The following PCDHA3 variants were observed in gnomAD, a reference collection of about 807,000 sequenced individuals.
The protein encoded by PCDHA3 is protocadherin alpha 3.
A neutral mutation model predicts 62.2 loss-of-function variants in PCDHA3; 41 were observed. That is an observed-to-expected ratio of 0.66 (90% CI 0.51 to 0.86). The LOEUF (loss-of-function observed/expected upper bound fraction) is 0.86. Ranked by LOEUF, PCDHA3 falls within the 40% of genes least tolerant of loss-of-function variation. The pLI is 0.00. For missense variants in PCDHA3, 1,304 were observed against 1,241.2 expected (o/e 1.05, Z -0.76); for synonymous variants, 640 against 555.4 (o/e 1.15, Z -2.14).
chr5:140,909,268 A>C (rs946921668), intron 1 of PCDHA3, among the ~76,000 whole-genome samples: 1 of 152,240 alleles, frequency 6.6e-6, no homozygotes. Context: ...ACTGAAGGCA[A>C]ATTGCTTCTG....
intron 1 of PCDHA3, among the ~76,000 whole-genome samples, chr5:140,946,711 T>C (rs1165441185): frequency 1.3e-5 from 2 of 150,618 alleles, no homozygotes; most frequent in African/African-American, 2.5e-5. Context: ...GAGGTCATTA[T>C]GTTTAGTTAA....
chr5:140,841,990 A>C (rs1422352219), intron 1 of PCDHA3: 1 of 1,613,690 alleles, frequency 6.2e-7, no homozygotes, highest in African/African-American at 1.3e-5. Flanking sequence ...CTGAGCTCAC[A>C]GGCACTGTTC....
intron 1 of PCDHA3, chr5:140,927,490 C>G: frequency 1.2e-6 from 2 of 1,614,132 alleles, no homozygotes; most frequent in Non-Finnish European, 8.5e-7. Flanking sequence ...CGCCACCCAC[C>G]TGCTGGTGCT....
intron 1 of PCDHA3, chr5:140,866,016 T>C (rs191505079): frequency 6.6e-6 from 1 of 152,304 alleles, no homozygotes; most frequent in African/African-American, 2.4e-5. Flanking sequence ...ATTTTTTTCT[T>C]GTAAGAGTTC....
chr5:140,869,613 CA>C (rs782134760), intron 1 of PCDHA3: 1 of 1,613,944 alleles, frequency 6.2e-7, no homozygotes. Flanking sequence ...TATTGACCTA[CA>C]GGCTAAGTAA....
In PCDHA3 at chr5:140,972,962, A is replaced by G. The variant is rs550755148; in HGVS notation, c.2395-5987A>G. Among the ~76,000 whole-genome samples the G allele has an allele frequency of 1.5e-3, 231 of 152,144 alleles. 1 individual carries two copies. The highest frequency in any genetic ancestry group is 2.9e-3 in the Non-Finnish European group (194 of 67,976). ...CAGATGTGAGCCACCATGCCCGGCA[A>G]AGGAAACCAAATCTTAAGGTAGATT... On this transcript the variant is annotated intron_variant, in intron 1 of 3. Transcript: ENST00000522353.
chr5:140,809,392 C>A (rs782047510), intron 1 of PCDHA3: 1 of 1,614,100 alleles, frequency 6.2e-7, no homozygotes, highest in Admixed American at 1.7e-5. Flanking sequence ...GCGCTCCGGG[C>A]AAGCCCACGC....
rs2150125115 is a variant in PCDHA3 at position 140,823,375 on chromosome 5, G to A, written c.2394+19784G>A. 6 of 1,612,690 alleles carry A rather than the reference G, an allele frequency of 3.7e-6. No homozygotes were observed. The East Asian group carries it at 8.9e-5, about 24-fold the overall frequency. On this transcript the variant is annotated intron_variant, in intron 1 of 3. Coordinates refer to ENST00000522353, the MANE Select transcript of PCDHA3 (RefSeq NM_018906.3). The stretch of plus-strand genomic sequence containing the variant: ...GGAAGTGGAGCTGCTGCAGTTCCAG[G>A]TGAGCGCGCGCGACGCGGGCGTGCC...
intron 1 of PCDHA3, among the ~76,000 whole-genome samples, chr5:140,890,111 A>G (rs1365246358): frequency 6.6e-6 from 1 of 152,194 alleles, no homozygotes; most frequent in Admixed American, 6.5e-5. Context: ...TCTGGATTCA[A>G]TGATGTCACT....
rs782147146 is a variant in PCDHA3 at position 140,802,637 on chromosome 5, G to A, written c.1440G>A (p.Arg480=). Reference sequence around the variant, plus strand: ...GCCACATCTTCACGGTGTCTGCGCGGGACGCGGACGCGCAGGAGAACGCCC... The same window carrying A: ...GCCACATCTTCACGGTGTCTGCGCGAGACGCGGACGCGCAGGAGAACGCCC... ...PGCHIFTVSA[R]DADAQENALV... Residue 480 remains arginine (R), a synonymous_variant, in exon 1 of 4, where the codon CGG becomes CGA. Transcript: ENST00000522353. The A allele has an allele frequency of 1.1e-5, 18 of 1,613,676 alleles. No individual in the cohort carries two copies. Among genetic ancestry groups the A allele is most frequent in the African/African-American group, 6.7e-5 (5 of 74,938 alleles).
intron 1 of PCDHA3, chr5:140,828,077 C>T (rs782554927): frequency 1.9e-6 from 3 of 1,577,254 alleles, no homozygotes; most frequent in East Asian, 2.2e-5. Context: ...GGAAATAAAA[C>T]CAGAGGTATT....
chr5:140,824,026 C>A (rs1387280043), intron 1 of PCDHA3: 19 of 1,614,028 alleles, frequency 1.2e-5, no homozygotes, highest in Non-Finnish European at 1.5e-5. Flanking sequence ...GTCGTACTCG[C>A]AGCAGAGGAG....
At chr5:140,855,836 A>T in intron 1 of PCDHA3, 3 of 600,200 alleles carry the variant, frequency 5.0e-6, no homozygotes, top group Non-Finnish European at 2.9e-6. Flanking sequence ...AATCGTACTT[A>T]CACCTAAAGC....
At chr5:140,871,729 G>T in intron 1 of PCDHA3, 2 of 714,516 alleles carry the variant, frequency 2.8e-6, no homozygotes, top group South Asian at 2.4e-5. Context: ...TTAATATTTG[G>T]TTAGCAAATC....
In PCDHA3 at chr5:140,801,598, C is replaced by T. The variant is rs868943817; in HGVS notation, c.401C>T (p.Pro134Leu). Residue 134 changes from proline (P) to leucine (L), a missense_variant, in exon 1 of 4, where the codon CCA becomes CTA. By Grantham distance (98) the Pro-to-Leu change is moderately conservative. Transcript: ENST00000522353. ...ATTAATGACAACGCGCCAGTTTTTC[C>T]AATGGCTGTAAAGAATCTGTTTATT... ...KDINDNAPVF[P>L]MAVKNLFISE... 7 of 1,614,158 alleles carry T rather than the reference C, an allele frequency of 4.3e-6. No individual in the cohort carries two copies. In the Middle Eastern group the frequency reaches 9.9e-4, roughly 228 times the overall value.
At chr5:140,920,239 A>G (rs1584173491) in intron 1 of PCDHA3, among the ~76,000 whole-genome samples, 1 of 152,356 alleles carries the variant, frequency 6.6e-6, no homozygotes, top group Middle Eastern at 3.4e-3. Context: ...TATATACCCA[A>G]CAATACATCG....
At chr5:140,925,236 T>C (rs1398147161) in intron 1 of PCDHA3, among the ~76,000 whole-genome samples, 1 of 152,202 alleles carries the variant, frequency 6.6e-6, no homozygotes, top group African/African-American at 2.4e-5. Context: ...TACCAGAAAA[T>C]ATGTCCTGGA....
At position 140,871,191 on chromosome 5, in the gene PCDHA3, C is replaced by A. The variant is rs370303558; in HGVS notation, c.2394+67600C>A. The A allele has an allele frequency of 2.4e-5, 38 of 1,613,538 alleles. No individual in the cohort carries two copies. The African/African-American group carries it at 4.4e-4, about 19-fold the overall frequency. ...CAGAGGCTGCGCTGGTGGATGTCAA[C>A]GTGTACCTGATCATCGCCATCTGCG... On this transcript the variant is annotated intron_variant, in intron 1 of 3. Transcript: ENST00000522353.
At chr5:141,005,960 TA>T (rs1322848010) in intron 3 of PCDHA3, among the ~76,000 whole-genome samples, 2 of 151,500 alleles carry the variant, frequency 1.3e-5, no homozygotes, top group Non-Finnish European at 2.9e-5. Context: ...CAAACAACAA[TA>T]AAAAAACAAT....
Sources: gnomAD v4.1 joint callset for allele counts (sites outside exome capture counted in the v4.1 genomes callset) on GRCh38, gnomAD v4.1.1 for gene constraint, MANE v1.5 for transcripts, NCBI Gene and HGNC (gene_info 2026-07-23, HGNC 2026-07-21) for gene names.